Variants in MAF observed in about 807,000 individuals in gnomAD.
MAF encodes MAF bZIP transcription factor, also known as transcription factor Maf.
A neutral mutation model predicts 22.0 loss-of-function variants in MAF; 10 were observed. The ratio of observed to expected loss-of-function variants is 0.45; its 90% CI spans 0.28 to 0.77. The LOEUF is 0.77. Ranked by LOEUF, MAF falls within the 30% of genes least tolerant of loss-of-function variation. The pLI is 0.12. For synonymous variants in MAF, 337 were observed against 255.8 expected (o/e 1.32, Z -3.03); for missense variants, 544 against 548.4 (o/e 0.99, Z 0.08).
chr16:79,545,932 G>A, the MAF span, among the ~76,000 whole-genome samples: 1 of 152,042 alleles, frequency 6.6e-6, no homozygotes, highest in African/African-American at 2.4e-5. Flanking sequence ...GTGGGGTAAT[G>A]CATATTTTAA....
At chr16:79,497,644 C>T in the MAF span, among the ~76,000 whole-genome samples, 7 of 152,216 alleles carry the variant, frequency 4.6e-5, no homozygotes, top group Non-Finnish European at 5.9e-5. Context: ...GGTCTAGACC[C>T]GTGGGTTCAT....
chr16:79,238,845 G>C, the MAF span, among the ~76,000 whole-genome samples: 1 of 151,950 alleles, frequency 6.6e-6, no homozygotes, highest in African/African-American at 2.4e-5. Flanking sequence ...TATAGGATTT[G>C]AACTTGACCC....
At chr16:79,472,698 C>A in the MAF span, among the ~76,000 whole-genome samples, 1 of 151,670 alleles carries the variant, frequency 6.6e-6, no homozygotes, top group Non-Finnish European at 1.5e-5. Context: ...TAGAGTAGGG[C>A]GATGGTTGTA....
the MAF span, among the ~76,000 whole-genome samples, chr16:79,395,053 C>T: frequency 6.6e-6 from 1 of 152,098 alleles, no homozygotes; most frequent in Non-Finnish European, 1.5e-5. Flanking sequence ...TATATTGTGC[C>T]AGGAATTGTT....
chr16:79,298,781 G>A, the MAF span, among the ~76,000 whole-genome samples: 1 of 152,230 alleles, frequency 6.6e-6, no homozygotes, highest in African/African-American at 2.4e-5. Context: ...AAGCTGGTGT[G>A]GACACCCAGC....
the MAF span, among the ~76,000 whole-genome samples, chr16:79,452,996 A>G: frequency 6.6e-6 from 1 of 152,184 alleles, no homozygotes; most frequent in East Asian, 1.9e-4. Flanking sequence ...ACTTTTCATA[A>G]TGAGAGCTCA....
chr16:79,330,278 G>C, the MAF span, among the ~76,000 whole-genome samples: 1 of 152,212 alleles, frequency 6.6e-6, no homozygotes, highest in Non-Finnish European at 1.5e-5. Flanking sequence ...AGAACAAAAT[G>C]TGTATGTGGT....
the MAF span, among the ~76,000 whole-genome samples, chr16:79,282,444 A>T: frequency 6.6e-6 from 1 of 152,136 alleles, no homozygotes; most frequent in Non-Finnish European, 1.5e-5. Flanking sequence ...CCCTCCTCTA[A>T]AAGGAAAATA....
the MAF span, among the ~76,000 whole-genome samples, chr16:79,384,612 C>T: frequency 2.0e-5 from 3 of 151,904 alleles, no homozygotes; most frequent in African/African-American, 7.3e-5. Flanking sequence ...AAAAAATTAG[C>T]TGGGTGTGGT....
the MAF span, among the ~76,000 whole-genome samples, chr16:79,342,644 G>A: frequency 5.3e-4 from 80 of 151,514 alleles, no homozygotes; most frequent in African/African-American, 1.7e-3. Flanking sequence ...CACCATTACC[G>A]TCACCATCAC....
chr16:79,289,275 T>G, the MAF span, among the ~76,000 whole-genome samples: 1 of 151,854 alleles, frequency 6.6e-6, no homozygotes, highest in Non-Finnish European at 1.5e-5. Context: ...GATGGAAGAC[T>G]GGGGCAGGCA....
chr16:79,407,684 A>AT, the MAF span, among the ~76,000 whole-genome samples: 2 of 151,864 alleles, frequency 1.3e-5, no homozygotes, highest in African/African-American at 2.4e-5. Context: ...CATGTCAGAG[A>AT]TTTTTTTTCT....
intron 1 of MAF, chr16:79,596,438 TG>T: frequency 9.5e-7 from 1 of 1,054,926 alleles, no homozygotes; most frequent in Non-Finnish European, 1.1e-6. Context: ...ACGAGGTTGT[TG>T]GGCCCAGTTA....
the MAF span, among the ~76,000 whole-genome samples, chr16:79,576,050 C>A: frequency 1.3e-5 from 2 of 151,916 alleles, no homozygotes; most frequent in Non-Finnish European, 2.9e-5. Flanking sequence ...ATGACCTTTA[C>A]CCCACTGTAA....
the MAF span, among the ~76,000 whole-genome samples, chr16:79,414,246 G>C: frequency 1.3e-5 from 2 of 152,184 alleles, no homozygotes; most frequent in African/African-American, 4.8e-5. Context: ...ACAAAGAAAA[G>C]AGATTTATTT....
At chr16:79,500,800 A>T in the MAF span, among the ~76,000 whole-genome samples, 1 of 152,296 alleles carries the variant, frequency 6.6e-6, no homozygotes, top group South Asian at 2.1e-4. Context: ...TTTGGGACTC[A>T]TGGAGGTGTC....
chr16:79,454,094 A>G, the MAF span, among the ~76,000 whole-genome samples: 1 of 152,208 alleles, frequency 6.6e-6, no homozygotes, highest in Non-Finnish European at 1.5e-5. Flanking sequence ...TGTTATAGGA[A>G]CCCTGAGATT....
the MAF span, among the ~76,000 whole-genome samples, chr16:79,282,663 C>T: frequency 1.3e-5 from 2 of 152,198 alleles, no homozygotes; most frequent in Non-Finnish European, 2.9e-5. Flanking sequence ...TCTCAAATTA[C>T]TCAGTATCAG....
At position 79,600,455 on chromosome 16, in the gene MAF, C is replaced by T. The variant is rs952977522; in HGVS notation, c.-553G>A. On this transcript the variant is annotated 5_prime_UTR_variant, in exon 1 of 2. Transcript: ENST00000326043. ...GGGAGTTAACACTTCATGCTTCTCGCCTCCTCTTCTGCTTGGCTCTCTTTA... is the reference window on the plus strand; with the variant it reads ...GGGAGTTAACACTTCATGCTTCTCGTCTCCTCTTCTGCTTGGCTCTCTTTA... 1 of 196,356 alleles carries T rather than the reference C, an allele frequency of 5.1e-6. No homozygotes were observed. 12.2% of individuals were successfully genotyped at this position (196,356 alleles called of 1,614,324 possible). A position where few individuals can be genotyped will look rare whatever the true frequency, so the allele number is the denominator to read the frequency against.
Sources: gnomAD v4.1 joint callset for allele counts (sites outside exome capture counted in the v4.1 genomes callset) on GRCh38, gnomAD v4.1.1 for gene constraint, MANE v1.5 for transcripts, NCBI Gene and HGNC (gene_info 2026-07-23, HGNC 2026-07-21) for gene names.